The following GABRG3 variants were observed in gnomAD, a reference collection of about 807,000 sequenced individuals.
GABRG3 encodes gamma-aminobutyric acid type A receptor subunit gamma3, also known as gamma-aminobutyric acid receptor subunit gamma-3.
In GABRG3, 25 loss-of-function variants were observed where a neutral mutation model predicts 48.8. The observed-to-expected ratio is 0.51, with a 90% CI of 0.37 to 0.72. The LOEUF is 0.72. GABRG3 is among the 30% of genes least tolerant of loss of function. GABRG3 has a pLI of 0.00. For synonymous variants in GABRG3, 227 were observed against 217.6 expected, an observed-to-expected ratio of 1.04 and a Z score of -0.38; for missense variants, 394 against 577.9, an observed-to-expected ratio of 0.68 and a Z score of 3.26.
intron 3 of GABRG3, chr15:27,294,722 C>G (rs1293984517): frequency 2.0e-5 from 3 of 152,118 alleles, no homozygotes; most frequent in African/African-American, 7.2e-5. Flanking sequence ...TTAACACGCC[C>G]TCAGGTCATT....
chr15:27,361,235 G>A (rs1566805473), intron 5 of GABRG3, among the ~76,000 whole-genome samples: 1 of 152,180 alleles, frequency 6.6e-6, no homozygotes, highest in Non-Finnish European at 1.5e-5. Context: ...ATTTAGCAGA[G>A]CACTTGGAGT....
intron 5 of GABRG3, among the ~76,000 whole-genome samples, chr15:27,332,108 TA>T (rs1893822235): frequency 6.6e-6 from 1 of 152,244 alleles, no homozygotes; most frequent in Admixed American, 6.5e-5. Flanking sequence ...CACTCATTGG[TA>T]ATTTGGAGTG....
intron 2 of GABRG3, among the ~76,000 whole-genome samples, chr15:27,008,539 GT>G (rs1243228990): frequency 1.3e-5 from 2 of 152,200 alleles, no homozygotes; most frequent in Non-Finnish European, 2.9e-5. Flanking sequence ...TGTGCTAGAA[GT>G]TGGCAGGCCT....
chr15:27,000,490 G>A (rs759261838), intron 2 of GABRG3, among the ~76,000 whole-genome samples: 1 of 152,178 alleles, frequency 6.6e-6, no homozygotes, highest in Non-Finnish European at 1.5e-5. Context: ...GTAATTCCCA[G>A]TGTTGGAGGT....
intron 6 of GABRG3, among the ~76,000 whole-genome samples, chr15:27,505,169 ACTAC>A (rs1293279400): frequency 1.3e-5 from 2 of 152,122 alleles, no homozygotes; most frequent in Non-Finnish European, 2.9e-5. Context: ...ACTTTTGGTC[ACTAC>A]TGGTGAAATA....
chr15:27,156,298 C>CAAAAAAAAAAAAA (rs34055206), intron 3 of GABRG3, among the ~76,000 whole-genome samples: 4 of 78,116 alleles, frequency 5.1e-5, no homozygotes, highest in African/African-American at 1.0e-4. Flanking sequence ...CACTCTGTCT[C>CAAAAAAAAAAAAA]AAAAAAAAAA....
chr15:27,142,409 A>G (rs901992235), intron 3 of GABRG3, among the ~76,000 whole-genome samples: 6 of 152,198 alleles, frequency 3.9e-5, no homozygotes, highest in Admixed American at 6.6e-5. Context: ...GTTGGCAAAG[A>G]GAGAAATGAT....
At chr15:27,121,303 A>G (rs1897727295) in intron 3 of GABRG3, among the ~76,000 whole-genome samples, 1 of 152,216 alleles carries the variant, frequency 6.6e-6, no homozygotes, top group African/African-American at 2.4e-5. Context: ...GCTGTAAGGT[A>G]GATGTTCACA....
At chr15:27,481,939 G>A (rs1045556119) in intron 6 of GABRG3, among the ~76,000 whole-genome samples, 4 of 152,152 alleles carry the variant, frequency 2.6e-5, no homozygotes, top group Non-Finnish European at 4.4e-5. Context: ...GTCTAAGGCC[G>A]CCTGAAGGGA....
intron 6 of GABRG3, among the ~76,000 whole-genome samples, chr15:27,516,859 A>G (rs999963298): frequency 6.6e-6 from 1 of 152,274 alleles, no homozygotes; most frequent in Non-Finnish European, 1.5e-5. Context: ...ATTATTGAGA[A>G]TGGATTGCTA....
At chr15:27,476,922 A>G (rs949916805) in intron 5 of GABRG3, among the ~76,000 whole-genome samples, 1 of 152,242 alleles carries the variant, frequency 6.6e-6, no homozygotes, top group African/African-American at 2.4e-5. Context: ...CAGCAAGAGA[A>G]AAGCAATATT....
intron 3 of GABRG3, among the ~76,000 whole-genome samples, chr15:27,265,207 A>G (rs1490547498): frequency 6.6e-6 from 1 of 152,056 alleles, no homozygotes; most frequent in Non-Finnish European, 1.5e-5. Flanking sequence ...ATACAAACCT[A>G]TCCTTATTTC....
chr15:27,454,186 G>A (rs1566847565), intron 5 of GABRG3, among the ~76,000 whole-genome samples: 2 of 152,164 alleles, frequency 1.3e-5, no homozygotes, highest in African/African-American at 4.8e-5. Flanking sequence ...ATGCCTTTTG[G>A]TATGCCTTTA....
chr15:27,283,985 TAG>T (rs966318755), intron 3 of GABRG3, among the ~76,000 whole-genome samples: 2 of 152,214 alleles, frequency 1.3e-5, no homozygotes, highest in Middle Eastern at 3.2e-3. Flanking sequence ...GACTTAGATG[TAG>T]AGACTTAGAC....
At position 27,099,251 on chromosome 15, in the gene GABRG3, A is replaced by C. The variant is rs547603407; in HGVS notation, c.270+72430A>C. On this transcript the variant is annotated intron_variant, in intron 3 of 9. Coordinates refer to ENST00000615808, the MANE Select transcript of GABRG3 (RefSeq NM_033223.5). ...AGTGCTAAGCCACTCTGATGACAGT[A>C]GACTGTGCTAAGTTGTTGCGTTACT... Among the ~76,000 whole-genome samples, 4 of 152,318 alleles carry C rather than the reference A, an allele frequency of 2.6e-5. No individual in the cohort carries two copies. In the East Asian group the frequency reaches 5.8e-4, roughly 22 times the overall value.
At chr15:27,475,799 GA>G (rs1449535649) in intron 5 of GABRG3, among the ~76,000 whole-genome samples, 2 of 151,920 alleles carry the variant, frequency 1.3e-5, no homozygotes, top group Non-Finnish European at 2.9e-5. Flanking sequence ...TGATGGTGAT[GA>G]TGGTAATGAT....
intron 2 of GABRG3, among the ~76,000 whole-genome samples, chr15:26,981,388 T>C (rs768873088): frequency 6.6e-6 from 1 of 152,336 alleles, no homozygotes; most frequent in Middle Eastern, 3.4e-3. Flanking sequence ...GTTTAATTCT[T>C]TTAAATATGT....
rs77386856 is a variant in GABRG3 at position 27,180,903 on chromosome 15, C to T, written c.271-145906C>T. Among the ~76,000 whole-genome samples, 470 of 152,142 alleles carry T rather than the reference C, an allele frequency of 3.1e-3. 3 individuals are homozygous for T. Among genetic ancestry groups the T allele is most frequent in the African/African-American group, 0.011 (456 of 41,508 alleles). ...ACTAACCAATCTAACACAGGATTAT[C>T]GTTCCAGTTTAGTATTTTAGGGTTG... On this transcript the variant is annotated intron_variant, in intron 3 of 9. Coordinates refer to ENST00000615808, the MANE Select transcript of GABRG3 (RefSeq NM_033223.5). The surrounding 1 kb of genome is among the most constrained non-coding windows in gnomAD (Gnocchi z 4.2).
At chr15:27,314,289 C>T (rs577594362) in intron 3 of GABRG3, among the ~76,000 whole-genome samples, 1 of 152,266 alleles carries the variant, frequency 6.6e-6, no homozygotes, top group Admixed American at 6.5e-5. Flanking sequence ...GACATACACA[C>T]TGCCAACAGG....
Sources: gnomAD v4.1 joint callset for allele counts (sites outside exome capture counted in the v4.1 genomes callset) on GRCh38, gnomAD v4.1.1 for gene constraint, Gnocchi (gnomAD v3.1) non-coding constraint, MANE v1.5 for transcripts, NCBI Gene and HGNC (gene_info 2026-07-23, HGNC 2026-07-21) for gene names.